The following GPR39 variants were observed in gnomAD, a reference collection of about 807,000 sequenced individuals.
GPR39 encodes the protein zinc sensing receptor.
A neutral mutation model predicts 18.4 loss-of-function variants in GPR39; 23 were observed. That is an observed-to-expected ratio of 1.25 (90% confidence interval 0.90 to 1.77). The LOEUF is 1.77. GPR39 is among the 40% of genes most tolerant of loss of function. The pLI is 0.00. For synonymous variants in GPR39, 280 were observed against 257.9 expected (o/e 1.09, Z -0.82); for missense variants, 647 against 602.4 (o/e 1.07, Z -0.78).
intron 1 of GPR39, among the ~76,000 whole-genome samples, chr2:132,463,603 C>T (rs1680872280): frequency 6.6e-6 from 1 of 152,030 alleles, no homozygotes; most frequent in Non-Finnish European, 1.5e-5. Context: ...AGGAGAAGGA[C>T]CTGCTGTGTG....
rs1387415548 is a variant in GPR39, at chr2:132,468,195, AC to A, written c.856+50299del. On this transcript the variant is annotated intron_variant, in intron 1 of 1. Coordinates refer to ENST00000329321, the MANE Select transcript of GPR39 (RefSeq NM_001508.3). ...TTGACCCAACCAACATATTTCAAGT[AC>A]CTGTGGTTTCACTATGTGTATATAA... 5.3e-5 allele frequency among the ~76,000 whole-genome samples: 8 copies of A among 152,322 alleles called. 1 individual carries two copies. The South Asian group carries it at 1.4e-3, about 28-fold the overall frequency.
intron 1 of GPR39, chr2:132,644,860 CTAAAGCATT>C: frequency 1.8e-6 from 1 of 555,376 alleles, no homozygotes; most frequent in Non-Finnish European, 3.2e-6. Context: ...AATACACTGT[CTAAAGCATT>C]TAATGGTCTT....
chr2:132,535,649 T>TTTG (rs1243720763), intron 1 of GPR39, among the ~76,000 whole-genome samples: 4 of 151,212 alleles, frequency 2.6e-5, no homozygotes, highest in Admixed American at 2.6e-4. Flanking sequence ...CCAGCTCCTC[T>TTTG]TTGTATCTCT....
chr2:132,591,167 C>T (rs558145689), intron 1 of GPR39, among the ~76,000 whole-genome samples: 6 of 142,330 alleles, frequency 4.2e-5, no homozygotes, highest in South Asian at 2.4e-4. Context: ...AGGAGAATGG[C>T]GTGAACCCGG....
At chr2:132,515,729 C>T (rs896999126) in intron 1 of GPR39, among the ~76,000 whole-genome samples, 1 of 152,140 alleles carries the variant, frequency 6.6e-6, no homozygotes, top group Admixed American at 6.5e-5. Context: ...CCTCCTTTCT[C>T]CCTGAAGACT....
chr2:132,427,065 T>C (rs1037915891), intron 1 of GPR39, among the ~76,000 whole-genome samples: 1 of 147,014 alleles, frequency 6.8e-6, no homozygotes, highest in African/African-American at 2.5e-5. Flanking sequence ...AATATATATA[T>C]ATATGTACCT....
chr2:132,474,608 G>A lies in GPR39; in HGVS notation c.856+56710G>A, dbSNP rs1056861769. On this transcript the variant is annotated intron_variant, in intron 1 of 1. Transcript: ENST00000329321. ...GTTTATTTTTGATTGTACAAATCAA[G>A]CAACACCCTAGTCAACTGCCCATCT... 2.0e-5 allele frequency among the ~76,000 whole-genome samples: 3 copies of A among 152,164 alleles called. No homozygotes were observed. In the East Asian group the frequency reaches 5.8e-4, roughly 29 times the overall value.
At chr2:132,430,316 T>G (rs979583497) in intron 1 of GPR39, among the ~76,000 whole-genome samples, 21 of 152,158 alleles carry the variant, frequency 1.4e-4, no homozygotes, top group African/African-American at 4.8e-4. Context: ...TTCAGGTGAC[T>G]CCAATGTGTA....
At chr2:132,593,627 C>G (rs1430711976) in intron 1 of GPR39, among the ~76,000 whole-genome samples, 1 of 152,096 alleles carries the variant, frequency 6.6e-6, no homozygotes, top group Non-Finnish European at 1.5e-5. Context: ...TTGTCATGAA[C>G]TGTGCTGAGG....
intron 1 of GPR39, among the ~76,000 whole-genome samples, chr2:132,563,710 A>T (rs1422435814): frequency 6.6e-6 from 1 of 152,090 alleles, no homozygotes; most frequent in Non-Finnish European, 1.5e-5. Flanking sequence ...CTCAGGCCTT[A>T]CTCCAAGCCA....
chr2:132,498,412 A>T (rs1373163733), intron 1 of GPR39, among the ~76,000 whole-genome samples: 1 of 152,176 alleles, frequency 6.6e-6, no homozygotes. Flanking sequence ...CCATTAATTC[A>T]TTCCTTTTTA....
chr2:132,424,587 A>T (rs1234014758), intron 1 of GPR39, among the ~76,000 whole-genome samples: 2 of 152,198 alleles, frequency 1.3e-5, no homozygotes, highest in African/African-American at 4.8e-5. Context: ...TTAATGTATC[A>T]TGAGCCCAGC....
At chr2:132,514,920 A>G (rs1450388848) in intron 1 of GPR39, among the ~76,000 whole-genome samples, 2 of 152,188 alleles carry the variant, frequency 1.3e-5, no homozygotes, top group South Asian at 2.1e-4. Flanking sequence ...AACCTCTCCC[A>G]TGGTCACCCT....
rs575571994 is a variant in GPR39 at position 132,540,097 on chromosome 2, C to T, written c.857-105004C>T. Among the ~76,000 whole-genome samples the T allele has an allele frequency of 2.2e-4, 34 of 152,288 alleles. No homozygotes were observed. The South Asian group carries it at 6.8e-3, about 31-fold the overall frequency. On this transcript the variant is annotated intron_variant, in intron 1 of 1. Coordinates refer to ENST00000329321, the MANE Select transcript of GPR39 (RefSeq NM_001508.3). ...ACACCCCCTAACTCCTAAACTGGTT[C>T]TTGTACCCCATTCCCCAAACTTCCT...
At chr2:132,460,455 G>GA (rs1397390558) in intron 1 of GPR39, among the ~76,000 whole-genome samples, 1 of 152,150 alleles carries the variant, frequency 6.6e-6, no homozygotes, top group Non-Finnish European at 1.5e-5. Context: ...GAGTAGAATG[G>GA]AAAATGTACA....
chr2:132,602,204 C>T (rs573639254), intron 1 of GPR39, among the ~76,000 whole-genome samples: 55 of 151,938 alleles, frequency 3.6e-4, no homozygotes, highest in Non-Finnish European at 5.6e-4. Context: ...TATAGACCAA[C>T]ATAACAAGAG....
At chr2:132,482,870 A>C (rs936300779) in intron 1 of GPR39, among the ~76,000 whole-genome samples, 2 of 152,222 alleles carry the variant, frequency 1.3e-5, no homozygotes. Flanking sequence ...TGTGTTCTAT[A>C]AAAAGAAATT....
At chr2:132,506,886 C>A (rs1008237612) in intron 1 of GPR39, among the ~76,000 whole-genome samples, 1 of 151,298 alleles carries the variant, frequency 6.6e-6, no homozygotes, top group Non-Finnish European at 1.5e-5. Context: ...TTTTTTCTAG[C>A]AGGAGAAAAA....
At chr2:132,548,045 G>A (rs1335000615) in intron 1 of GPR39, among the ~76,000 whole-genome samples, 3 of 151,976 alleles carry the variant, frequency 2.0e-5, no homozygotes, top group Non-Finnish European at 2.9e-5. Context: ...CACCCTCCCC[G>A]CTTACGCCCC....
Sources: allele counts gnomAD v4.1 joint callset (sites outside exome capture counted in the v4.1 genomes callset), GRCh38; gene constraint gnomAD v4.1.1; transcripts MANE v1.5; gene names NCBI Gene and HGNC (gene_info 2026-07-23, HGNC 2026-07-21).